LOC101059915: variants seen among roughly 807,000 people sequenced by gnomAD.
chrX:71,671,358 G>C, the LOC101059915 span: 1 of 840,759 alleles, frequency 1.2e-6, no homozygotes, highest in Non-Finnish European at 1.6e-6. Flanking sequence ...TCACAGGTTG[G>C]AGCCAGCATC....
the LOC101059915 span, chrX:71,669,424 C>T: frequency 1.8e-6 from 1 of 554,174 alleles, no homozygotes; most frequent in Non-Finnish European, 2.5e-6. Context: ...TAAGCAAGCC[C>T]TCCTGTCTTG....
At chrX:71,668,374 G>A in the LOC101059915 span, 1 of 1,146,606 alleles carries the variant, frequency 8.7e-7, no homozygotes. Flanking sequence ...CTTCCAAGTG[G>A]ATCCCCAGCA....
chrX:71,669,653 G>A, the LOC101059915 span: 1 of 970,469 alleles, frequency 1.0e-6, no homozygotes, highest in East Asian at 4.1e-5. Flanking sequence ...CAAGTACTAG[G>A]AACCTCACAG....
At chrX:71,668,427 T>C in the LOC101059915 span, 25 of 1,162,150 alleles carry the variant, frequency 2.2e-5, no homozygotes, top group Non-Finnish European at 2.5e-5. Flanking sequence ...CTGACGACTC[T>C]GATTCCGCAG....
chrX:71,670,335 G>A, the LOC101059915 span: 2 of 1,165,729 alleles, frequency 1.7e-6, no homozygotes, highest in Non-Finnish European at 1.1e-6. Context: ...CTGTCCTCGG[G>A]TAATGCTTTG....
chrX:71,668,017 G>A, the LOC101059915 span: 19 of 1,164,958 alleles, frequency 1.6e-5, no homozygotes, highest in East Asian at 6.5e-5. Context: ...GTCTGAGAGC[G>A]AATTGATAGA....
chrX:71,669,297 C>T, the LOC101059915 span, among the ~76,000 whole-genome samples: 1 of 111,802 alleles, frequency 8.9e-6, no homozygotes, highest in Non-Finnish European at 1.9e-5. Flanking sequence ...AGTTGTCCTG[C>T]CTCCTCCCTG....
At chrX:71,668,115 C>T in the LOC101059915 span, 2 of 1,138,771 alleles carry the variant, frequency 1.8e-6, no homozygotes, top group South Asian at 2.1e-5. Flanking sequence ...ACTCTTTCTA[C>T]CTGGCTGATG....
the LOC101059915 span, chrX:71,671,128 A>C: frequency 1.2e-5 from 14 of 1,158,201 alleles, no homozygotes; most frequent in African/African-American, 2.5e-4. Flanking sequence ...TTGCAGGGCT[A>C]GGTTTTTCCC....
At chrX:71,668,915 T>C in the LOC101059915 span, 126 of 1,131,878 alleles carry the variant, frequency 1.1e-4, 1 homozygote, top group African/African-American at 1.2e-3. Flanking sequence ...GGGAAGTCCG[T>C]GAGACCCAAG....
chrX:71,671,194 C>T, the LOC101059915 span: 1 of 1,165,261 alleles, frequency 8.6e-7, no homozygotes, highest in Non-Finnish European at 1.1e-6. Flanking sequence ...CCAGTTCTGT[C>T]TCTCTGTTTC....
the LOC101059915 span, chrX:71,669,461 T>A: frequency 1.4e-6 from 1 of 731,644 alleles, no homozygotes; most frequent in South Asian, 7.9e-5. Context: ...AAAGTGTTAA[T>A]AAGATTAGTC....
chrX:71,671,337 G>GC, the LOC101059915 span: 9 of 968,326 alleles, frequency 9.3e-6, no homozygotes, highest in East Asian at 2.4e-4. Context: ...CCATCCCTGA[G>GC]CTGCTCTGTT....
the LOC101059915 span, among the ~76,000 whole-genome samples, chrX:71,669,954 C>G: frequency 8.9e-6 from 1 of 112,423 alleles, no homozygotes; most frequent in African/African-American, 3.2e-5. Context: ...TGGAAGGAGA[C>G]TTTCGGCAGT....
chrX:71,669,828 G>A, the LOC101059915 span: 2 of 738,459 alleles, frequency 2.7e-6, no homozygotes, highest in Non-Finnish European at 3.6e-6. Context: ...GCCCACCCAG[G>A]CAGCTGTCCC....
the LOC101059915 span, chrX:71,668,321 C>T: frequency 4.1e-5 from 47 of 1,132,814 alleles, no homozygotes; most frequent in Non-Finnish European, 5.4e-5. Context: ...GGGCCAGGAC[C>T]GGCCTGGGAG....
the LOC101059915 span, chrX:71,669,826 A>C: frequency 1.3e-6 from 1 of 747,844 alleles, no homozygotes; most frequent in African/African-American, 2.3e-5. Context: ...CTGCCCACCC[A>C]GGCAGCTGTC....
At chrX:71,668,417 CT>C in the LOC101059915 span, 2 of 1,161,462 alleles carry the variant, frequency 1.7e-6, no homozygotes, top group East Asian at 6.5e-5. Flanking sequence ...GGGCTGAATA[CT>C]GACGACTCTG....
the LOC101059915 span, chrX:71,670,844 G>T: frequency 1.3e-6 from 1 of 752,276 alleles, no homozygotes; most frequent in Non-Finnish European, 1.6e-6. Flanking sequence ...AGACAGCAAT[G>T]TGTCGTCTGA....
Sources: allele counts gnomAD v4.1 joint callset (sites outside exome capture counted in the v4.1 genomes callset), GRCh38; gene constraint gnomAD v4.1.1; transcripts MANE v1.5.